The following ZNF532 variants were observed in gnomAD, a reference collection of about 807,000 sequenced individuals.
The protein encoded by ZNF532 is zinc finger protein 532.
Under a neutral mutation model 89.3 loss-of-function variants are expected in ZNF532, and 22 were observed. The observed-to-expected ratio is 0.25, with a 90% CI of 0.18 to 0.35. The LOEUF is 0.35. ZNF532 is among the 10% of genes least tolerant of loss of function. The pLI, the probability that ZNF532 is intolerant of heterozygous loss-of-function variation, is 1.00. For synonymous variants in ZNF532, 606 were observed against 649.6 expected (o/e 0.93, Z 1.02); for missense variants, 1,132 against 1,643.4 (o/e 0.69, Z 5.38).
chr18:58,877,475 G>T (rs902957294), intron 2 of ZNF532, among the ~76,000 whole-genome samples: 1 of 152,214 alleles, frequency 6.6e-6, no homozygotes, highest in Non-Finnish European at 1.5e-5. Flanking sequence ...GATTAAATCA[G>T]CTATAGCAAT....
At chr18:58,903,913 C>T (rs1368522896) in intron 2 of ZNF532, among the ~76,000 whole-genome samples, 2 of 152,048 alleles carry the variant, frequency 1.3e-5, no homozygotes, top group Non-Finnish European at 2.9e-5. Context: ...TATAGATTGC[C>T]CTTTAGAGAT....
intron 2 of ZNF532, among the ~76,000 whole-genome samples, chr18:58,871,321 G>A (rs2056961509): frequency 6.6e-6 from 1 of 152,186 alleles, no homozygotes; most frequent in South Asian, 2.1e-4. Flanking sequence ...CTTGGCTCAA[G>A]GGATCCTCCT....
chr18:58,928,666 C>T (rs1330828315), intron 3 of ZNF532, among the ~76,000 whole-genome samples: 4 of 152,198 alleles, frequency 2.6e-5, no homozygotes, highest in African/African-American at 9.6e-5. Context: ...GTGGGGATCA[C>T]TACCTTCCAG....
Position 58,934,419 on chromosome 18 carries a change from T to C in ZNF532, c.2347-14T>C, listed in dbSNP as rs1603225761. On this transcript the variant is annotated splice_polypyrimidine_tract_variant and intron_variant, in intron 3 of 9. Transcript: ENST00000591808. ...TAGTAGGACCAACCCTGTTTCCCCCTTTGGTTTGTTTAGAAGACTTGCACT... is the reference window on the plus strand; with the variant it reads ...TAGTAGGACCAACCCTGTTTCCCCCCTTGGTTTGTTTAGAAGACTTGCACT... The C allele has an allele frequency of 6.2e-7, 1 of 1,610,650 alleles. No individual in the cohort carries two copies. The highest frequency in any genetic ancestry group is 8.5e-7 in the Non-Finnish European group (1 of 1,177,696).
chr18:58,954,361 G>T, intron 7 of ZNF532: 1 of 689,060 alleles, frequency 1.5e-6, no homozygotes, highest in Non-Finnish European at 1.8e-6. Context: ...AACTGATAAG[G>T]AATTTAAAAA....
intron 5 of ZNF532, among the ~76,000 whole-genome samples, chr18:58,941,986 CCTTCCCTT>C (rs1180550459): frequency 2.3e-5 from 3 of 132,764 alleles, no homozygotes; most frequent in Non-Finnish European, 4.9e-5. Context: ...CTCCTTCCCT[CCTTCCCTT>C]CCTTCCTTCC....
intron 7 of ZNF532, among the ~76,000 whole-genome samples, chr18:58,954,661 C>CTT (rs141106605): frequency 1.5e-4 from 20 of 129,104 alleles, no homozygotes; most frequent in African/African-American, 3.9e-4. Flanking sequence ...GTAATTGATA[C>CTT]TTTTTTTTTT....
At chr18:58,905,137 C>T (rs1216244766) in intron 2 of ZNF532, among the ~76,000 whole-genome samples, 2 of 152,068 alleles carry the variant, frequency 1.3e-5, no homozygotes, top group African/African-American at 2.4e-5. Flanking sequence ...CTGCCAAACC[C>T]GGCCTGAAAA....
rs1380860948 is a variant in ZNF532 at position 58,965,484 on chromosome 18, T to A, written c.3150+11685T>A. On this transcript the variant is annotated intron_variant, in intron 7 of 9. Coordinates refer to ENST00000591808, the MANE Select transcript of ZNF532 (RefSeq NM_001375912.1). ...GCTGACATTTCAAAAGCTGCTTAAT[T>A]TTAGTCTCCTTGAATCTTTCAATAT... 3.3e-5 allele frequency among the ~76,000 whole-genome samples: 5 copies of A among 152,242 alleles called. No individual in the cohort carries two copies. In the East Asian group the frequency reaches 9.6e-4, roughly 29 times the overall value.
At chr18:58,904,891 G>T (rs1046905132) in intron 2 of ZNF532, among the ~76,000 whole-genome samples, 1 of 151,004 alleles carries the variant, frequency 6.6e-6, no homozygotes, top group Non-Finnish European at 1.5e-5. Flanking sequence ...ACCCAGGCTG[G>T]AGTGTAGTGG....
chr18:58,945,012 T>C (rs1444294547), intron 5 of ZNF532, among the ~76,000 whole-genome samples: 1 of 152,188 alleles, frequency 6.6e-6, no homozygotes, highest in Non-Finnish European at 1.5e-5. Context: ...CATTGTTGAT[T>C]ACAATACCAT....
chr18:58,960,684 TTC>T (rs2065261066), intron 7 of ZNF532, among the ~76,000 whole-genome samples: 1 of 152,188 alleles, frequency 6.6e-6, no homozygotes, highest in Admixed American at 6.5e-5. Context: ...TGTTGACAGA[TTC>T]TGTCTGTTTT....
At chr18:58,935,987 T>C (rs913833870) in intron 4 of ZNF532, among the ~76,000 whole-genome samples, 3 of 152,232 alleles carry the variant, frequency 2.0e-5, no homozygotes, top group Non-Finnish European at 2.9e-5. Context: ...AACACTAAGC[T>C]ATGAGACTTA....
intron 2 of ZNF532, among the ~76,000 whole-genome samples, chr18:58,880,771 C>CGCGTGTGTGTGTGTGTGTGTGT (rs1440107025): frequency 4.1e-5 from 6 of 145,258 alleles, no homozygotes; most frequent in Non-Finnish European, 9.1e-5. Context: ...CACGCGCGCG[C>CGCGTGTGTGTGTGTGTGTGTGT]GTCTGTGTGT....
At chr18:58,939,750 C>G (rs907039835) in intron 5 of ZNF532, 129 bp downstream of exon 5, 1 of 833,416 alleles carries the variant, frequency 1.2e-6, no homozygotes. Flanking sequence ...AATTTTGATG[C>G]TTTATGAAAT....
At chr18:58,878,307 G>C (rs1701010742) in intron 2 of ZNF532, among the ~76,000 whole-genome samples, 1 of 152,064 alleles carries the variant, frequency 6.6e-6, no homozygotes, top group Non-Finnish European at 1.5e-5. Flanking sequence ...TAGACCTTCA[G>C]AGGACATCAG....
At chr18:58,977,353 C>CTGT (rs2067177365) in intron 7 of ZNF532, 1 of 152,190 alleles carries the variant, frequency 6.6e-6, no homozygotes, top group South Asian at 2.1e-4. Context: ...GAGGCAGGCA[C>CTGT]TGTTGCAAGC....
At chr18:58,867,301 G>A (rs1286846045) in intron 2 of ZNF532, among the ~76,000 whole-genome samples, 3 of 152,048 alleles carry the variant, frequency 2.0e-5, no homozygotes, top group Non-Finnish European at 4.4e-5. Flanking sequence ...TTTTAGCTTT[G>A]TTCCTCTCCC....
At position 58,942,115 on chromosome 18, in the gene ZNF532, C is replaced by T. The variant is rs184255087; in HGVS notation, c.2705+2494C>T. ...TCAGCTCACTGCAAGCTCCACCTCCCGAGTTCAAGCCATTCTCCTGCCTCA... is the reference window on the plus strand; with the variant it reads ...TCAGCTCACTGCAAGCTCCACCTCCTGAGTTCAAGCCATTCTCCTGCCTCA... On this transcript the variant is annotated intron_variant, in intron 5 of 9. Transcript: ENST00000591808. Among the ~76,000 whole-genome samples the T allele has an allele frequency of 6.2e-3, 931 of 151,256 alleles. 8 individuals are homozygous for T. Among genetic ancestry groups the T allele is most frequent in the African/African-American group, 0.022 (888 of 41,174 alleles).
Sources: gnomAD v4.1 joint callset for allele counts (sites outside exome capture counted in the v4.1 genomes callset) on GRCh38, gnomAD v4.1.1 for gene constraint, MANE v1.5 for transcripts, NCBI Gene and HGNC (gene_info 2026-07-23, HGNC 2026-07-21) for gene names.